Variants in SPIDR observed in about 807,000 individuals in gnomAD.
SPIDR encodes the protein scaffold protein involved in DNA repair.
SPIDR carries 93 observed loss-of-function variants against 104.6 expected under a neutral mutation model. That is an observed-to-expected ratio of 0.89 (90% confidence interval 0.75 to 1.06). The LOEUF (loss-of-function observed/expected upper bound fraction) is 1.06. SPIDR is among the 50% of genes least tolerant of loss of function. The pLI is 0.00. For missense variants in SPIDR, 1,154 were observed against 1,111.2 expected (o/e 1.04, Z -0.55); for synonymous variants, 431 against 416.9 (o/e 1.03, Z -0.41).
At chr8:47,417,349 G>T (rs1337868298) in intron 7 of SPIDR, among the ~76,000 whole-genome samples, 1 of 152,146 alleles carries the variant, frequency 6.6e-6, no homozygotes, top group Non-Finnish European at 1.5e-5. Context: ...TCTCATTGTG[G>T]TTTCGATTTG....
chr8:47,386,950 T>TAGATAC (rs2060017589), intron 5 of SPIDR, among the ~76,000 whole-genome samples: 6 of 140,336 alleles, frequency 4.3e-5, no homozygotes, highest in Non-Finnish European at 9.2e-5. Flanking sequence ...GATATAGATA[T>TAGATAC]AGATATAGAT....
At chr8:47,373,734 C>T in intron 5 of SPIDR, among the ~76,000 whole-genome samples, 1 of 152,136 alleles carries the variant, frequency 6.6e-6, no homozygotes. Context: ...CTGTAGAACT[C>T]ACATTAATAT....
intron 8 of SPIDR, among the ~76,000 whole-genome samples, chr8:47,451,476 G>C (rs1431402640): frequency 9.9e-5 from 15 of 151,980 alleles, no homozygotes; most frequent in African/African-American, 3.4e-4. Context: ...AGCTACTTGG[G>C]AGGCTGAGGC....
intron 8 of SPIDR, chr8:47,592,022 T>C (rs752927643): frequency 9.5e-6 from 7 of 738,982 alleles, no homozygotes; most frequent in Non-Finnish European, 1.6e-5. Context: ...ACCAAAGGAC[T>C]GAAGATGTCT....
intron 8 of SPIDR, among the ~76,000 whole-genome samples, chr8:47,591,135 A>T (rs965791718): frequency 5.3e-5 from 8 of 149,538 alleles, no homozygotes; most frequent in African/African-American, 2.0e-4. Context: ...ATTTATCCTC[A>T]GTGTAATTAT....
intron 5 of SPIDR, among the ~76,000 whole-genome samples, chr8:47,362,315 G>C (rs2056168196): frequency 2.0e-5 from 3 of 152,188 alleles, no homozygotes; most frequent in Admixed American, 6.5e-5. Flanking sequence ...CCGCAGAGTT[G>C]AAAACTCCCT....
chr8:47,487,063 A>T (rs2077758215), intron 8 of SPIDR, among the ~76,000 whole-genome samples: 1 of 152,232 alleles, frequency 6.6e-6, no homozygotes, highest in Admixed American at 6.5e-5. Flanking sequence ...GGCAAATTGG[A>T]TAAACAGTGA....
chr8:47,728,909 T>G, intron 17 of SPIDR, 24 bp from the exon 18 acceptor site: 1 of 1,588,366 alleles, frequency 6.3e-7, no homozygotes, highest in Admixed American at 1.9e-5. Flanking sequence ...GGGCCTTGTC[T>G]TTCCTTGGCT....
At chr8:47,277,669 CTTT>C (rs1209041690) in intron 1 of SPIDR, among the ~76,000 whole-genome samples, 3 of 110,490 alleles carry the variant, frequency 2.7e-5, no homozygotes, top group Non-Finnish European at 3.7e-5. Context: ...TGTTTAACCT[CTTT>C]TTTTTTTTTT....
rs1308237419 is a variant in SPIDR, at chr8:47,464,282, G to A, written c.1097+23740G>A. ...TAAGTAAACAGTATCGACTACAATA[G>A]TATTTTTTAAAAACCACTTAGGAAA... is the stretch of plus-strand genomic sequence containing the variant. On this transcript the variant is annotated intron_variant, in intron 8 of 19. Coordinates refer to ENST00000297423, the MANE Select transcript of SPIDR (RefSeq NM_001080394.4). Among the ~76,000 whole-genome samples, 14 of 152,098 alleles carry A rather than the reference G, an allele frequency of 9.2e-5. No homozygotes were observed. In the East Asian group the frequency reaches 2.7e-3, roughly 29 times the overall value.
chr8:47,394,142 A>T (rs1187627571), intron 5 of SPIDR, among the ~76,000 whole-genome samples: 3 of 152,154 alleles, frequency 2.0e-5, no homozygotes, highest in Non-Finnish European at 2.9e-5. Context: ...CCTGGCCTCA[A>T]GTGATCTGCC....
At chr8:47,293,550 G>A (rs892469116) in intron 4 of SPIDR, among the ~76,000 whole-genome samples, 3 of 152,102 alleles carry the variant, frequency 2.0e-5, no homozygotes, top group Admixed American at 6.6e-5. Flanking sequence ...GGGTTCAAGC[G>A]ATTCTGGTGC....
chr8:47,555,513 C>A (rs1297470074), intron 8 of SPIDR, among the ~76,000 whole-genome samples: 4 of 152,056 alleles, frequency 2.6e-5, no homozygotes, highest in Non-Finnish European at 5.9e-5. Context: ...AATTTGGTTC[C>A]TCAAAAATTG....
In SPIDR at chr8:47,662,638, T is replaced by C. The variant is rs1027948845; in HGVS notation, c.1545-11163T>C. Among the ~76,000 whole-genome samples the C allele has an allele frequency of 5.9e-5, 9 of 152,350 alleles. 1 individual carries two copies. Among genetic ancestry groups the C allele is most frequent in the African/African-American group, 2.2e-4 (9 of 41,580 alleles). On this transcript the variant is annotated intron_variant, in intron 10 of 19. Coordinates refer to ENST00000297423, the MANE Select transcript of SPIDR (RefSeq NM_001080394.4). The stretch of plus-strand genomic sequence containing the variant: ...CCAAGAGAAAATAATTTTTATCAAA[T>C]TTTTAATTTTTCATAAATATGTTTA...
intron 10 of SPIDR, among the ~76,000 whole-genome samples, chr8:47,664,239 C>G (rs2074554908): frequency 6.6e-6 from 1 of 152,156 alleles, no homozygotes; most frequent in Admixed American, 6.5e-5. Context: ...ACCTGACTGT[C>G]CCACTCCAGC....
At chr8:47,485,969 C>T (rs1554730882) in intron 8 of SPIDR, among the ~76,000 whole-genome samples, 2 of 152,208 alleles carry the variant, frequency 1.3e-5, no homozygotes, top group Non-Finnish European at 2.9e-5. Context: ...GAATGCAGCT[C>T]CTCGCCAGCA....
Position 47,420,314 on chromosome 8 carries a change from A to G in SPIDR, c.877+12353A>G, listed in dbSNP as rs537477258. 2.8e-3 allele frequency among the ~76,000 whole-genome samples: 427 copies of G among 152,200 alleles called. 1 individual carries two copies. The highest frequency in any genetic ancestry group is 9.9e-3 in the African/African-American group (410 of 41,516). ...CTGGGTGCTCCTGTATTAGGTGCAT[A>G]TATATTTAGGATAGTTAGCTCTTCT... On this transcript the variant is annotated intron_variant, in intron 7 of 19. Transcript: ENST00000297423.
At chr8:47,371,260 T>C (rs942130586) in intron 5 of SPIDR, among the ~76,000 whole-genome samples, 4 of 151,934 alleles carry the variant, frequency 2.6e-5, no homozygotes, top group Admixed American at 6.5e-5. Context: ...CCAAAGAAGT[T>C]TGAAAAAAAA....
At chr8:47,693,545 C>T (rs1005835992) in intron 11 of SPIDR, among the ~76,000 whole-genome samples, 3 of 152,198 alleles carry the variant, frequency 2.0e-5, no homozygotes, top group Non-Finnish European at 4.4e-5. Flanking sequence ...TCCATGGCCT[C>T]GTGCCATGCC....
Sources: gnomAD v4.1 joint callset for allele counts (sites outside exome capture counted in the v4.1 genomes callset) on GRCh38, gnomAD v4.1.1 for gene constraint, MANE v1.5 for transcripts, NCBI Gene and HGNC (gene_info 2026-07-23, HGNC 2026-07-21) for gene names.